The following SARM1 variants were observed in gnomAD, a reference collection of about 807,000 sequenced individuals.
The protein encoded by SARM1 is sterile alpha and TIR motif containing 1.
A neutral mutation model predicts 65.1 loss-of-function variants in SARM1; 60 were observed. That is an observed-to-expected ratio of 0.92 (90% CI 0.75 to 1.14). The LOEUF (loss-of-function observed/expected upper bound fraction) is 1.14, where lower values mean the gene tolerates loss of function less well. SARM1 is among the 50% of genes most tolerant of loss of function. The pLI is 0.00. For synonymous variants in SARM1, 417 were observed against 465.4 expected, an observed-to-expected ratio of 0.90 and a Z score of 1.34; for missense variants, 913 against 1,015.7, an observed-to-expected ratio of 0.90 and a Z score of 1.37.
Position 28,389,281 on chromosome 17 carries a change from A to G in SARM1, c.1923+742A>G, listed in dbSNP as rs574246858. 3.9e-5 allele frequency among the ~76,000 whole-genome samples: 6 copies of G among 152,292 alleles called. No individual in the cohort carries two copies. In the East Asian group the frequency reaches 1.2e-3, roughly 29 times the overall value. ...TCCCTAGAACATTGTTATAAGGACT[A>G]AAAAAGCCAAAATTTGTGAAGTGCT... On this transcript the variant is annotated intron_variant, in intron 7 of 8. Transcript: ENST00000585482.
intron 1 of SARM1, among the ~76,000 whole-genome samples, chr17:28,377,206 T>A (rs2067996876): frequency 6.6e-6 from 1 of 152,232 alleles, no homozygotes; most frequent in African/African-American, 2.4e-5. Context: ...CAGGCAGATC[T>A]GGGTTCAAAT....
Position 28,385,380 on chromosome 17 carries a change from G to C in SARM1, c.1630+105G>C. 3.5e-6 allele frequency: 3 copies of C among 862,832 alleles called. No individual in the cohort carries two copies. Among genetic ancestry groups the C allele is most frequent in the South Asian group, 1.8e-5 (1 of 56,874 alleles). The allele number at this position is 862,832 out of a possible 1,614,324, so 53.4% of individuals were successfully genotyped here. A position where few individuals can be genotyped will look rare whatever the true frequency, so the allele number is the denominator to read the frequency against. On this transcript the variant is annotated intron_variant, in intron 5 of 8. Coordinates refer to ENST00000585482, the MANE Select transcript of SARM1 (RefSeq NM_015077.4). This position sits in a 1 kb window ranked among gnomAD's most constrained non-coding sequence, Gnocchi z 4.5. ...GAGCCTTCCAGCCTCGCCGTGGATT[G>C]ATTGAGCACAAACGTGGGTCACACT...
In SARM1 at chr17:28,400,690, G is replaced by A. The variant is rs2068185473; in HGVS notation, c.*4404G>A. 1.2e-6 allele frequency: 2 copies of A among 1,612,318 alleles called. No individual in the cohort carries two copies. The highest frequency in any genetic ancestry group is 1.7e-6 in the Non-Finnish European group (2 of 1,179,376). On this transcript the variant is annotated 3_prime_UTR_variant, in exon 9 of 9. Transcript: ENST00000585482. ...CCTTCATAAAGTTCAGAGTGGCTGG[G>A]TAGAGTGAGTTGAAGATGCCGGAGG... is the stretch of plus-strand genomic sequence containing the variant.
chr17:28,395,634 A>C, intron 7 of SARM1: 2 of 371,558 alleles, frequency 5.4e-6, no homozygotes, highest in East Asian at 1.1e-4. Flanking sequence ...CCGGGCCCCC[A>C]GTGGGGAATC....
Position 28,384,539 on chromosome 17 carries a change from C to A in SARM1, c.1272C>A (p.Ile424=), listed in dbSNP as rs576151528. ...EAEVQTWLQQ[I]GFSKYCESFR... is the part of the protein sequence containing the mutation. ...AGGTTCAGACGTGGCTGCAGCAGAT[C>A]GGTTTCTCCAAGTACTGCGAGAGCT... The change falls in exon 3 of 9, where the codon ATC becomes ATA. Residue 424 remains isoleucine (I), a synonymous_variant. Coordinates refer to ENST00000585482, the MANE Select transcript of SARM1 (RefSeq NM_015077.4). This position sits in a 1 kb window ranked among gnomAD's most constrained non-coding sequence, Gnocchi z 4.4. 6.2e-7 allele frequency: 1 copy of A among 1,611,588 alleles called. No homozygotes were observed. Among genetic ancestry groups the A allele is most frequent in the South Asian group, 1.1e-5 (1 of 90,816 alleles).
At position 28,381,424 on chromosome 17, in the gene SARM1, G is replaced by A. The variant is rs1555585223; in HGVS notation, c.692G>A (p.Gly231Asp). Residue 231 changes from glycine (G) to aspartate (D), a missense_variant, in exon 2 of 9, where the codon GGC (glycine) becomes GAC (aspartate). Gly to Asp is a moderately conservative substitution (Grantham distance 94). This residue lies in a region of SARM1 where 862 missense variants were observed against 952.1 expected (regional missense o/e 0.91). Transcript: ENST00000585482. ...ALLRHCALALGNCALHGGQAV... is the reference protein window; with the variant it reads ...ALLRHCALALDNCALHGGQAV... ...CTGCGCCACTGCGCGCTGGCGCTGGGCAACTGCGCGCTGCACGGGGGCCAG... is the reference window on the plus strand; with the variant it reads ...CTGCGCCACTGCGCGCTGGCGCTGGACAACTGCGCGCTGCACGGGGGCCAG... 1 of 1,543,610 alleles carries A rather than the reference G, an allele frequency of 6.5e-7. No individual in the cohort carries two copies. Among genetic ancestry groups the A allele is most frequent in the East Asian group, 2.4e-5 (1 of 40,946 alleles).
intron 1 of SARM1, among the ~76,000 whole-genome samples, chr17:28,376,786 T>C (rs1325127517): frequency 1.3e-5 from 2 of 151,974 alleles, no homozygotes; most frequent in African/African-American, 2.4e-5. Context: ...AATAATTTTC[T>C]TATTTTATTT....
chr17:28,390,141 A>G (rs1199353444), intron 7 of SARM1, among the ~76,000 whole-genome samples: 2 of 152,240 alleles, frequency 1.3e-5, no homozygotes, highest in African/African-American at 2.4e-5. Flanking sequence ...TTTGGTTCAG[A>G]AAGGCAGGAC....
At chr17:28,386,889 A>G (rs1425957885) in intron 5 of SARM1, among the ~76,000 whole-genome samples, 1 of 152,056 alleles carries the variant, frequency 6.6e-6, no homozygotes, top group African/African-American at 2.4e-5. Flanking sequence ...CAGGTGCGCA[A>G]CACCACACCC....
chr17:28,388,937 A>T (rs1221193891), intron 7 of SARM1, among the ~76,000 whole-genome samples: 1 of 151,658 alleles, frequency 6.6e-6, no homozygotes, highest in Admixed American at 6.6e-5. Context: ...CGGCTGGCTA[A>T]TTTTTTTGTA....
At chr17:28,376,711 C>T (rs2067991554) in intron 1 of SARM1, among the ~76,000 whole-genome samples, 2 of 152,212 alleles carry the variant, frequency 1.3e-5, no homozygotes, top group Non-Finnish European at 2.9e-5. Flanking sequence ...CTCAAGCAAT[C>T]CTACTGCCTT....
In SARM1 at chr17:28,384,498, A is replaced by G. The variant is rs782463409; in HGVS notation, c.1231A>G (p.Ser411Gly). 2.5e-6 allele frequency: 4 copies of G among 1,613,508 alleles called. No homozygotes were observed. The African/African-American group carries it at 5.3e-5, about 22-fold the overall frequency. ...VPRPILPSVP[S>G]WKEAEVQTWL... The stretch of plus-strand genomic sequence containing the variant: ...ACGGCCCATCCTGCCCTCCGTGCCC[A>G]GCTGGAAGGAGGCCGAGGTTCAGAC... The change falls in exon 3 of 9, where the codon AGC becomes GGC. Residue 411 changes from serine to glycine, a missense_variant. Physicochemically the swap from Ser to Gly is moderately conservative, Grantham distance 56. Coordinates refer to ENST00000585482, the MANE Select transcript of SARM1 (RefSeq NM_015077.4). This position sits in a 1 kb window ranked among gnomAD's most constrained non-coding sequence, Gnocchi z 4.4.
chr17:28,376,934 C>CACCT (rs1291461081), intron 1 of SARM1, among the ~76,000 whole-genome samples: 6 of 152,012 alleles, frequency 3.9e-5, no homozygotes, highest in African/African-American at 1.2e-4. Flanking sequence ...GGATTACAGG[C>CACCT]ACCTGCTACC....
rs371818392 is a variant in SARM1, at chr17:28,396,018, C to G, written c.2037C>G (p.Asn679Lys). 3 of 1,613,784 alleles carry G rather than the reference C, an allele frequency of 1.9e-6. No homozygotes were observed. The highest frequency in any genetic ancestry group is 2.5e-6 in the Non-Finnish European group (3 of 1,179,868). ...ACATGCAGGCTGTGCTTACTTTCAACGGTATCAAGTGAGCCCCAGGGCCCT... is the reference window on the plus strand; with the variant it reads ...ACATGCAGGCTGTGCTTACTTTCAAGGGTATCAAGTGAGCCCCAGGGCCCT... ...PEDMQAVLTF[N>K]GIKWSHEYQE... Residue 679 changes from asparagine to lysine, a missense_variant, in exon 8 of 9, where the codon AAC becomes AAG. Asn to Lys is a moderately conservative substitution (Grantham distance 94, BLOSUM62 0). This residue lies in a region of SARM1 where 862 missense variants were observed against 952.1 expected (regional missense o/e 0.91). Transcript: ENST00000585482.
intron 1 of SARM1, among the ~76,000 whole-genome samples, chr17:28,376,914 C>A (rs1555584693): frequency 6.6e-6 from 1 of 152,038 alleles, no homozygotes; most frequent in Non-Finnish European, 1.5e-5. Flanking sequence ...CTCAGCCTCC[C>A]AAGTAGCTGG....
In SARM1 at chr17:28,402,481, ATGGAGAC is replaced by A. The variant is rs1218822776; in HGVS notation, c.*6198_*6204del. ...GTGGGAAGACAGTAGTCAAGGAGGAATGGAGACTGCCCTTGTCTGGGCTTGGCCACCT... is the reference window on the plus strand; with the variant it reads ...GTGGGAAGACAGTAGTCAAGGAGGAATGCCCTTGTCTGGGCTTGGCCACCT... On this transcript the variant is annotated 3_prime_UTR_variant, in exon 9 of 9. Transcript: ENST00000585482. 54 of 593,180 alleles carry A rather than the reference ATGGAGAC, an allele frequency of 9.1e-5. No individual in the cohort carries two copies. In the Middle Eastern group the frequency reaches 3.3e-3, roughly 36 times the overall value. The allele number at this position is 593,180 out of a possible 1,614,324, so 36.7% of individuals were successfully genotyped here.
In SARM1 at chr17:28,381,288, G is replaced by A; in HGVS notation, c.556G>A (p.Gly186Ser). Residue 186 changes from glycine (G) to serine (S), a missense_variant, in exon 2 of 9, where the codon GGC (glycine) becomes AGC (serine). Transcript: ENST00000585482. ...EPVELARSVA[G>S]ILEHMFKHSE... The stretch of plus-strand genomic sequence containing the variant: ...CGTAGAGCTGGCGCGGAGCGTGGCA[G>A]GCATCTTGGAGCACATGTTCAAGCA... 6.2e-7 allele frequency: 1 copy of A among 1,606,744 alleles called. No homozygotes were observed. The highest frequency in any genetic ancestry group is 8.5e-7 in the Non-Finnish European group (1 of 1,177,046).
rs782706352 is a variant in SARM1 at position 28,381,525 on chromosome 17, C to A, written c.793C>A (p.Leu265Met). The A allele has an allele frequency of 6.4e-7, 1 of 1,572,576 alleles. No homozygotes were observed. The highest frequency in any genetic ancestry group is 8.6e-7 in the Non-Finnish European group (1 of 1,160,208). Reference protein sequence around the residue: ...FPLAFSKEDELLRLHACLAVA... With the variant: ...FPLAFSKEDEMLRLHACLAVA... The stretch of plus-strand genomic sequence containing the variant: ...GCTCGCCTTCTCCAAGGAGGACGAG[C>A]TGCTTCGGCTGCACGCCTGCCTCGC... Residue 265 changes from leucine to methionine, a missense_variant, in exon 2 of 9, where the codon CTG (leucine) becomes ATG (methionine). By Grantham distance (15) the Leu-to-Met change is conservative. This residue lies in a region of SARM1 where 862 missense variants were observed against 952.1 expected (regional missense o/e 0.91). Coordinates refer to ENST00000585482, the MANE Select transcript of SARM1 (RefSeq NM_015077.4).
Position 28,385,013 on chromosome 17 carries a change from C to T in SARM1, c.1395-27C>T. 1 of 1,610,980 alleles carries T rather than the reference C, an allele frequency of 6.2e-7. No homozygotes were observed. On this transcript the variant is annotated intron_variant, in intron 4 of 8. Coordinates refer to ENST00000585482, the MANE Select transcript of SARM1 (RefSeq NM_015077.4). This position sits in a 1 kb window ranked among gnomAD's most constrained non-coding sequence, Gnocchi z 4.5. ...CCACAGCCCGTCCGAGTCTGGACCT[C>T]AGCGTCTTCTCCTCCGTGGGGTGCA...
Sources: allele counts gnomAD v4.1 joint callset (sites outside exome capture counted in the v4.1 genomes callset), GRCh38; gene constraint gnomAD v4.1.1; regional missense constraint gnomAD v4.1.1; non-coding constraint Gnocchi (gnomAD v3.1); transcripts MANE v1.5; gene names NCBI Gene and HGNC (gene_info 2026-07-23, HGNC 2026-07-21).